The following ECM2 variants were observed in gnomAD, a reference collection of about 807,000 sequenced individuals.
ECM2 encodes the protein extracellular matrix protein 2.
A neutral mutation model predicts 67.5 loss-of-function variants in ECM2; 57 were observed. The ratio of observed to expected loss-of-function variants is 0.84; its 90% CI spans 0.68 to 1.05. The LOEUF (loss-of-function observed/expected upper bound fraction) is 1.05, where lower values mean the gene tolerates loss of function less well. Ranked by LOEUF, ECM2 falls within the 50% of genes least tolerant of loss-of-function variation. The pLI is 0.00. For missense variants in ECM2, 741 were observed against 822.8 expected (o/e 0.90, Z 1.22); for synonymous variants, 258 against 294.5 (o/e 0.88, Z 1.27).
At chr9:92,536,869 A>ACT (rs1849188056), upstream of ECM2, among the ~76,000 whole-genome samples, 3 of 141,530 alleles carry the variant, frequency 2.1e-5, no homozygotes, top group Admixed American at 1.4e-4. Context: ...TATTTTTTAA[A>ACT]TTTTTTTTTT....
downstream of ECM2, chr9:92,494,038 G>A (rs778722538): frequency 6.3e-7 from 1 of 1,585,488 alleles, no homozygotes; most frequent in Non-Finnish European, 8.5e-7. Context: ...TGACTGCACA[G>A]CACTTGCCTG....
At chr9:92,543,259 G>A in the ECM2 span, among the ~76,000 whole-genome samples, 2 of 152,022 alleles carry the variant, frequency 1.3e-5, no homozygotes, top group African/African-American at 4.8e-5. Context: ...ATAACTTGAG[G>A]TCAGGAGTTC....
At chr9:92,499,447 A>G (rs1846543635) in intron 9 of ECM2, among the ~76,000 whole-genome samples, 1 of 152,208 alleles carries the variant, frequency 6.6e-6, no homozygotes, top group Admixed American at 6.5e-5. Context: ...CCTCTAATGA[A>G]ATAAGAATTC....
intron 1 of ECM2, among the ~76,000 whole-genome samples, chr9:92,525,973 G>T (rs1848383329): frequency 2.7e-5 from 4 of 149,912 alleles, no homozygotes; most frequent in Admixed American, 2.7e-4. Context: ...CTATATTACT[G>T]GTTTATGTAT....
the ECM2 span, among the ~76,000 whole-genome samples, chr9:92,552,004 GTATA>G: frequency 1.6e-4 from 22 of 138,730 alleles, 3 homozygotes; most frequent in East Asian, 3.5e-3. Context: ...ATATATATGT[GTATA>G]TATATGATAT....
intron 1 of ECM2, 60 bp from the exon 2 acceptor site, chr9:92,522,953 C>CT (rs1439687420): frequency 2.1e-6 from 3 of 1,458,116 alleles, no homozygotes; most frequent in African/African-American, 2.8e-5. Flanking sequence ...TGAAAATTGG[C>CT]TTATATATTT....
the ECM2 span, among the ~76,000 whole-genome samples, chr9:92,552,117 A>T: frequency 6.0e-4 from 85 of 142,756 alleles, no homozygotes; most frequent in Non-Finnish European, 9.3e-4. Context: ...TATATATGTG[A>T]TATGATAGAT....
Position 92,496,055 on chromosome 9 carries a change from G to A in ECM2, c.*260C>T, listed in dbSNP as rs1846329031. On this transcript the variant is annotated 3_prime_UTR_variant, in exon 10 of 10. Transcript: ENST00000344604. ...AGACTCTTCTGGTCTAGCTCAGTAT[G>A]CATAATATCCTATTCTAGTGAGATG... 2.8e-6 allele frequency: 3 copies of A among 1,076,806 alleles called. No homozygotes were observed. The South Asian group carries it at 1.1e-4, about 40-fold the overall frequency. The allele number at this position is 1,076,806 out of a possible 1,614,324, so 66.7% of individuals were successfully genotyped here. A position where few individuals can be genotyped will look rare whatever the true frequency, so the allele number is the denominator to read the frequency against.
chr9:92,522,931 A>T, intron 1 of ECM2, 38 bp from the exon 2 acceptor site: 1 of 1,503,566 alleles, frequency 6.7e-7, no homozygotes, highest in South Asian at 1.4e-5. Context: ...GTGGTGACTA[A>T]ATTTTTACTT....
chr9:92,502,390 G>T, intron 8 of ECM2, 123 bp downstream of exon 8: 3 of 1,233,604 alleles, frequency 2.4e-6, no homozygotes, highest in East Asian at 2.5e-5. Flanking sequence ...AAACGATTCT[G>T]TCTCCGAGCC....
At chr9:92,519,537 G>T (rs1007996845) in intron 2 of ECM2, among the ~76,000 whole-genome samples, 1 of 152,198 alleles carries the variant, frequency 6.6e-6, no homozygotes, top group African/African-American at 2.4e-5. Context: ...TTCAAGAAGG[G>T]TGTCAAGACC....
rs564655935 is a variant in ECM2 at position 92,511,282 on chromosome 9, C to G, written c.1170+729G>C. 9.2e-5 allele frequency among the ~76,000 whole-genome samples: 14 copies of G among 152,142 alleles called. No homozygotes were observed. The Middle Eastern group carries it at 0.014, about 148-fold the overall frequency. On this transcript the variant is annotated intron_variant, in intron 5 of 9. Transcript: ENST00000344604. ...CTGGGACTACAGGTGCATGCCACCA[C>G]GCTCGGCTAATTTTTTGTATTTTTA...
At chr9:92,558,243 T>C in the ECM2 span, among the ~76,000 whole-genome samples, 1 of 152,176 alleles carries the variant, frequency 6.6e-6, no homozygotes, top group South Asian at 2.1e-4. Flanking sequence ...AGGGTTGGTT[T>C]TCTGGTTCCT....
the ECM2 span, among the ~76,000 whole-genome samples, chr9:92,557,878 T>C: frequency 6.6e-6 from 1 of 152,056 alleles, no homozygotes; most frequent in African/African-American, 2.4e-5. Context: ...CTCCTGACCT[T>C]GTGATCCACC....
chr9:92,533,188 TACTC>T (rs1222850722), intron 1 of ECM2, among the ~76,000 whole-genome samples: 4 of 148,028 alleles, frequency 2.7e-5, no homozygotes, highest in Admixed American at 1.4e-4. Flanking sequence ...TAGTCCCAGA[TACTC>T]AGGAAGCTGA....
intron 6 of ECM2, among the ~76,000 whole-genome samples, chr9:92,507,199 A>C (rs1588198361): frequency 6.6e-6 from 1 of 152,318 alleles, no homozygotes; most frequent in African/African-American, 2.4e-5. Flanking sequence ...GCTCAGGATT[A>C]ATGGAAGTGC....
chr9:92,501,176 G>T, intron 8 of ECM2, 123 bp from the exon 9 acceptor site: 3 of 969,076 alleles, frequency 3.1e-6, no homozygotes, highest in East Asian at 2.6e-5. Context: ...TTGTAGTGAT[G>T]ATTCCAAATA....
At position 92,522,721 on chromosome 9, in the gene ECM2, G is replaced by T. The variant is rs887812230; in HGVS notation, c.146C>A (p.Ser49Ter). ...TTGCTGAATTCCAAGCTGTCTGTTT[G>T]ATCTGTGCTTGTGTGAGGTTGAACT... ...RKSSTSHKHRSNRQLGIQQTT... is the reference protein window; with the variant it reads ...RKSSTSHKHR Residue 49 changes from serine to a stop codon, truncating the protein, a stop_gained, in exon 2 of 10, where the codon TCA becomes TAA. Coordinates refer to ENST00000344604, the MANE Select transcript of ECM2 (RefSeq NM_001393.4). LOFTEE classifies it high-confidence loss of function. 6.2e-7 allele frequency: 1 copy of T among 1,614,156 alleles called. No individual in the cohort carries two copies. Among genetic ancestry groups the T allele is most frequent in the Non-Finnish European group, 8.5e-7 (1 of 1,180,020 alleles).
chr9:92,495,949 A>G lies in ECM2; in HGVS notation c.*366T>C, dbSNP rs1450504096. 34 of 986,908 alleles carry G rather than the reference A, an allele frequency of 3.4e-5. No individual in the cohort carries two copies. Among genetic ancestry groups the G allele is most frequent in the Non-Finnish European group, 4.0e-5 (33 of 830,984 alleles). 61.1% of individuals were successfully genotyped at this position (986,908 alleles called of 1,614,324 possible). On this transcript the variant is annotated 3_prime_UTR_variant, in exon 10 of 10. Transcript: ENST00000344604. ...TTCTTAATCTTGAACCAAAAGATAC[A>G]TAATTTTTAAAGGGACTTACAGAGT...
Sources: gnomAD v4.1 joint callset for allele counts (sites outside exome capture counted in the v4.1 genomes callset) on GRCh38, gnomAD v4.1.1 for gene constraint, MANE v1.5 for transcripts, NCBI Gene and HGNC (gene_info 2026-07-23, HGNC 2026-07-21) for gene names.